The following PTPN5 variants were observed in gnomAD, a reference collection of about 807,000 sequenced individuals.
PTPN5 encodes protein tyrosine phosphatase non-receptor type 5, also known as tyrosine-protein phosphatase non-receptor type 5.
A neutral mutation model predicts 73.9 loss-of-function variants in PTPN5; 29 were observed. That is an observed-to-expected ratio of 0.39 (90% CI 0.29 to 0.54). PTPN5 has a LOEUF of 0.54. Ranked by LOEUF, PTPN5 falls within the 20% of genes least tolerant of loss-of-function variation. The pLI, the probability that PTPN5 is intolerant of heterozygous loss-of-function variation, is 0.65. For missense variants in PTPN5, 652 were observed against 751.4 expected, an observed-to-expected ratio of 0.87 and a Z score of 1.55; for synonymous variants, 267 against 304.7, an observed-to-expected ratio of 0.88 and a Z score of 1.29.
intron 3 of PTPN5, among the ~76,000 whole-genome samples, chr11:18,765,093 CTTTT>C (rs1314469074): frequency 6.6e-6 from 1 of 152,094 alleles, no homozygotes; most frequent in Admixed American, 6.5e-5. Context: ...GGCGATTTTT[CTTTT>C]TTTATTTGTA....
At chr11:18,734,916 T>C (rs1002540710) in intron 9 of PTPN5, among the ~76,000 whole-genome samples, 12 of 152,218 alleles carry the variant, frequency 7.9e-5, no homozygotes, top group African/African-American at 2.9e-4. Context: ...ATTAAGAGTC[T>C]ACACCGCTGA....
intron 1 of PTPN5, among the ~76,000 whole-genome samples, chr11:18,778,476 T>C (rs920306879): frequency 1.3e-5 from 2 of 152,280 alleles, no homozygotes; most frequent in East Asian, 1.9e-4. Flanking sequence ...TCATGTTGAA[T>C]TGTAATCCCC....
In PTPN5 at chr11:18,750,837, T is replaced by G. The variant is rs565137371; in HGVS notation, c.98-6638A>C. On this transcript the variant is annotated intron_variant, in intron 3 of 14. Transcript: ENST00000358540. Reference sequence around the variant, plus strand: ...GTTAAGTGACTGGCCTGGGATCACATAGCCAGGCAGTGACAAAACTGGACT... The same window carrying G: ...GTTAAGTGACTGGCCTGGGATCACAGAGCCAGGCAGTGACAAAACTGGACT... Among the ~76,000 whole-genome samples, 82 of 152,286 alleles carry G rather than the reference T, an allele frequency of 5.4e-4. No homozygotes were observed. The South Asian group carries it at 8.3e-3, about 15-fold the overall frequency.
At chr11:18,761,736 A>G (rs1850399741) in intron 3 of PTPN5, among the ~76,000 whole-genome samples, 1 of 152,090 alleles carries the variant, frequency 6.6e-6, no homozygotes, top group Non-Finnish European at 1.5e-5. Flanking sequence ...AAGAAGGGGT[A>G]CAGTAGTGGG....
chr11:18,730,066 C>G (rs1848807990), intron 12 of PTPN5: 1 of 574,114 alleles, frequency 1.7e-6, no homozygotes. Context: ...CCAACAACTT[C>G]AGGATCATCC....
At chr11:18,734,283 T>C (rs1849019618) in intron 9 of PTPN5, among the ~76,000 whole-genome samples, 1 of 152,214 alleles carries the variant, frequency 6.6e-6, no homozygotes, top group African/African-American at 2.4e-5. Flanking sequence ...CAGCCTCATG[T>C]CCACATATGC....
chr11:18,737,345 C>A (rs1361572748), intron 9 of PTPN5, among the ~76,000 whole-genome samples: 1 of 152,206 alleles, frequency 6.6e-6, no homozygotes, highest in African/African-American at 2.4e-5. Context: ...GGGGAGCTCA[C>A]TCCCTGACAG....
chr11:18,743,433 G>C lies in PTPN5; in HGVS notation c.292-4C>G. ...ACCAGAGCACCCCACAGGCAAGCTG[G>C]GGCACAGGGGAGCAGGCTGAGTATG... On this transcript the variant is annotated splice_region_variant and splice_polypyrimidine_tract_variant and intron_variant, in intron 4 of 14. Transcript: ENST00000358540. 1 of 1,613,698 alleles carries C rather than the reference G, an allele frequency of 6.2e-7. No individual in the cohort carries two copies. The highest frequency in any genetic ancestry group is 8.5e-7 in the Non-Finnish European group (1 of 1,179,636).
At chr11:18,734,214 CG>C (rs1849016259) in intron 9 of PTPN5, among the ~76,000 whole-genome samples, 1 of 152,202 alleles carries the variant, frequency 6.6e-6, no homozygotes, top group Non-Finnish European at 1.5e-5. Flanking sequence ...AGAAAGTTGA[CG>C]GAGGCTATTA....
At chr11:18,731,497 CTCA>C (rs1324269381) in intron 12 of PTPN5, among the ~76,000 whole-genome samples, 1 of 152,206 alleles carries the variant, frequency 6.6e-6, no homozygotes, top group Non-Finnish European at 1.5e-5. Context: ...TGGTTCTTCC[CTCA>C]TCATCTCCAT....
Position 18,771,922 on chromosome 11 carries a change from C to T in PTPN5, c.20+17G>A, listed in dbSNP as rs373726930. On this transcript the variant is annotated intron_variant, in intron 2 of 14. Coordinates refer to ENST00000358540, the MANE Select transcript of PTPN5 (RefSeq NM_006906.2). The stretch of plus-strand genomic sequence containing the variant: ...CAGTGGGCGGGTTGCAGGGGGACGG[C>T]GTAAACGCTCACTCACCTGGCTCCC... 53 of 1,596,442 alleles carry T rather than the reference C, an allele frequency of 3.3e-5. No individual in the cohort carries two copies. In the East Asian group the frequency reaches 1.0e-3, roughly 31 times the overall value.
At chr11:18,753,034 G>A (rs1055460069) in intron 3 of PTPN5, among the ~76,000 whole-genome samples, 2 of 152,268 alleles carry the variant, frequency 1.3e-5, no homozygotes, top group South Asian at 2.1e-4. Flanking sequence ...GGGATTGCCT[G>A]TGGATATCTG....
intron 1 of PTPN5, among the ~76,000 whole-genome samples, chr11:18,779,414 C>G (rs1046792057): frequency 1.3e-5 from 2 of 151,962 alleles, no homozygotes; most frequent in African/African-American, 4.8e-5. Context: ...GACCAAGAGT[C>G]AAGGTTGAAA....
intron 8 of PTPN5, among the ~76,000 whole-genome samples, chr11:18,739,844 C>A (rs1470658780): frequency 6.6e-6 from 1 of 152,192 alleles, no homozygotes; most frequent in Non-Finnish European, 1.5e-5. Flanking sequence ...CTCTCAGGGC[C>A]CTCCTGCCAG....
chr11:18,790,952 T>C (rs1454179069), intron 1 of PTPN5, among the ~76,000 whole-genome samples: 1 of 152,176 alleles, frequency 6.6e-6, no homozygotes, highest in Non-Finnish European at 1.5e-5. Flanking sequence ...CCCAAGGCTC[T>C]GACCCGGGCA....
intron 1 of PTPN5, among the ~76,000 whole-genome samples, chr11:18,777,654 G>T (rs892115756): frequency 7.2e-5 from 11 of 152,062 alleles, no homozygotes; most frequent in Non-Finnish European, 1.3e-4. Context: ...ATTAAAAAAA[G>T]AATAATGTAG....
chr11:18,761,770 G>C (rs910269940), intron 3 of PTPN5, among the ~76,000 whole-genome samples: 1 of 152,140 alleles, frequency 6.6e-6, no homozygotes, highest in Non-Finnish European at 1.5e-5. Context: ...CACCTAAGGA[G>C]GGAATGAGAG....
At chr11:18,789,701 A>G (rs541522964) in intron 1 of PTPN5, among the ~76,000 whole-genome samples, 1 of 152,296 alleles carries the variant, frequency 6.6e-6, no homozygotes, top group South Asian at 2.1e-4. Flanking sequence ...GGAATGGAAA[A>G]CCAAACATTG....
chr11:18,790,718 C>A (rs1176816089), intron 1 of PTPN5, among the ~76,000 whole-genome samples: 1 of 152,042 alleles, frequency 6.6e-6, no homozygotes. Context: ...GGTTCTGGGG[C>A]TTCAATGTGG....
Sources: gnomAD v4.1 joint callset for allele counts (sites outside exome capture counted in the v4.1 genomes callset) on GRCh38, gnomAD v4.1.1 for gene constraint, MANE v1.5 for transcripts, NCBI Gene and HGNC (gene_info 2026-07-23, HGNC 2026-07-21) for gene names.